The following ATOSA variants were observed in gnomAD, a reference collection of about 807,000 sequenced individuals.
ATOSA encodes the protein atos homolog protein A.
At chr15:52,687,458 T>C in the ATOSA span, among the ~76,000 whole-genome samples, 3 of 152,238 alleles carry the variant, frequency 2.0e-5, no homozygotes, top group Admixed American at 2.0e-4. Flanking sequence ...GCAAAAATAT[T>C]CGTGCATAAG....
At chr15:52,703,344 A>AAT in the ATOSA span, among the ~76,000 whole-genome samples, 1 of 152,182 alleles carries the variant, frequency 6.6e-6, no homozygotes, top group Non-Finnish European at 1.5e-5. Flanking sequence ...ATAGGATTTC[A>AAT]ACTATACTTC....
At chr15:52,675,290 T>C in the ATOSA span, among the ~76,000 whole-genome samples, 2 of 152,210 alleles carry the variant, frequency 1.3e-5, no homozygotes, top group African/African-American at 4.8e-5. Flanking sequence ...AATTTTTTTC[T>C]ATTGGCTATC....
At chr15:52,669,319 A>C in the ATOSA span, among the ~76,000 whole-genome samples, 29 of 152,214 alleles carry the variant, frequency 1.9e-4, no homozygotes, top group African/African-American at 6.8e-4. Flanking sequence ...TTTTTTGTAT[A>C]TCAGCATCCT....
At chr15:52,708,814 C>T in the ATOSA span, among the ~76,000 whole-genome samples, 1 of 152,116 alleles carries the variant, frequency 6.6e-6, no homozygotes, top group African/African-American at 2.4e-5. Flanking sequence ...GTGGAGGCTA[C>T]CTCCCTTCCT....
At chr15:52,622,534 A>G in the ATOSA span, among the ~76,000 whole-genome samples, 1 of 152,206 alleles carries the variant, frequency 6.6e-6, no homozygotes, top group Non-Finnish European at 1.5e-5. Flanking sequence ...GATGACACAG[A>G]AAAACAAAAA....
At chr15:52,647,722 G>A in the ATOSA span, among the ~76,000 whole-genome samples, 121 of 152,212 alleles carry the variant, frequency 7.9e-4, no homozygotes, top group Non-Finnish European at 1.0e-3. Flanking sequence ...AAATCTGGGG[G>A]TGTCAGTACA....
the ATOSA span, chr15:52,648,632 T>C: frequency 6.6e-6 from 1 of 152,058 alleles, no homozygotes; most frequent in Non-Finnish European, 1.5e-5. Context: ...CTTCAAAATA[T>C]TAAGAAAACA....
chr15:52,688,508 C>T, the ATOSA span, among the ~76,000 whole-genome samples: 2 of 151,394 alleles, frequency 1.3e-5, no homozygotes, highest in African/African-American at 2.4e-5. Context: ...GGCAGGTCAC[C>T]GTGTACTTTA....
the ATOSA span, among the ~76,000 whole-genome samples, chr15:52,691,902 A>G: frequency 2.0e-5 from 3 of 152,104 alleles, no homozygotes; most frequent in Non-Finnish European, 4.4e-5. Flanking sequence ...ATCCACTCCA[A>G]AAAGAGATAC....
At chr15:52,667,727 T>C in the ATOSA span, among the ~76,000 whole-genome samples, 6 of 152,238 alleles carry the variant, frequency 3.9e-5, no homozygotes, top group Non-Finnish European at 8.8e-5. Context: ...TGTAGCATAC[T>C]GCTGGATACA....
the ATOSA span, among the ~76,000 whole-genome samples, chr15:52,686,203 G>C: frequency 4.6e-5 from 7 of 152,202 alleles, no homozygotes; most frequent in Admixed American, 3.9e-4. Context: ...TATAAATGAA[G>C]TTACTGATCC....
chr15:52,589,568 C>A, the ATOSA span, among the ~76,000 whole-genome samples: 1 of 151,638 alleles, frequency 6.6e-6, no homozygotes. Flanking sequence ...TTGAAAAAAA[C>A]CATAAAGTTG....
At chr15:52,683,744 A>C in the ATOSA span, among the ~76,000 whole-genome samples, 1 of 152,230 alleles carries the variant, frequency 6.6e-6, no homozygotes, top group African/African-American at 2.4e-5. Context: ...GTCAGGATTC[A>C]CACCTAGTGA....
the ATOSA span, among the ~76,000 whole-genome samples, chr15:52,669,478 C>T: frequency 2.0e-5 from 3 of 152,178 alleles, no homozygotes; most frequent in Admixed American, 2.0e-4. Flanking sequence ...ATCTCTCTCA[C>T]AAACCATGAT....
At chr15:52,696,275 C>T in the ATOSA span, among the ~76,000 whole-genome samples, 3 of 152,188 alleles carry the variant, frequency 2.0e-5, no homozygotes, top group South Asian at 4.2e-4. Flanking sequence ...CTCCCACTTC[C>T]CCACCCATTC....
At chr15:52,593,358 G>A in the ATOSA span, 1 of 471,266 alleles carries the variant, frequency 2.1e-6, no homozygotes. Context: ...TCAAGACAAA[G>A]AGAAATAAGT....
chr15:52,637,122 G>A, the ATOSA span, among the ~76,000 whole-genome samples: 1 of 152,052 alleles, frequency 6.6e-6, no homozygotes, highest in Non-Finnish European at 1.5e-5. Flanking sequence ...GTAGGACTTC[G>A]TGAATGCTAC....
At chr15:52,622,461 C>T in the ATOSA span, among the ~76,000 whole-genome samples, 1 of 152,098 alleles carries the variant, frequency 6.6e-6, no homozygotes, top group Non-Finnish European at 1.5e-5. Context: ...TTAACAAATA[C>T]CATACAACTA....
the ATOSA span, among the ~76,000 whole-genome samples, chr15:52,701,579 C>G: frequency 6.6e-6 from 1 of 152,162 alleles, no homozygotes; most frequent in Non-Finnish European, 1.5e-5. Flanking sequence ...CAGTAAACTT[C>G]AAATGATCAG....
Sources: allele counts gnomAD v4.1 joint callset (sites outside exome capture counted in the v4.1 genomes callset), GRCh38; gene constraint gnomAD v4.1.1; transcripts MANE v1.5; gene names NCBI Gene and HGNC (gene_info 2026-07-23, HGNC 2026-07-21).